Variants in RUSC1 observed in about 807,000 individuals in gnomAD.
The protein encoded by RUSC1 is RUN and SH3 domain containing 1.
A neutral mutation model predicts 72.1 loss-of-function variants in RUSC1; 40 were observed. The observed-to-expected ratio is 0.55, with a 90% CI of 0.43 to 0.72. RUSC1 has a LOEUF of 0.72. RUSC1 is among the 30% of genes least tolerant of loss of function. RUSC1 has a pLI of 0.00. For synonymous variants in RUSC1, 512 were observed against 494.2 expected, an observed-to-expected ratio of 1.04 and a Z score of -0.48; for missense variants, 1,092 against 1,172.3, an observed-to-expected ratio of 0.93 and a Z score of 1.00.
chr1:155,328,056 A>G (rs978512725), intron 8 of RUSC1, 94 bp from the exon 9 acceptor site: 4 of 1,495,228 alleles, frequency 2.7e-6, no homozygotes, highest in Middle Eastern at 2.1e-4. Context: ...TTGAACCACA[A>G]TTAGGCCCCT....
At position 155,325,408 on chromosome 1, in the gene RUSC1, G is replaced by A. The variant is rs772229874; in HGVS notation, c.1626G>A (p.Gly542=). 17 of 1,591,856 alleles carry A rather than the reference G, an allele frequency of 1.1e-5. No individual in the cohort carries two copies. Among genetic ancestry groups the A allele is most frequent in the African/African-American group, 4.0e-5 (3 of 74,618 alleles). Residue 542 remains glycine (G), a synonymous_variant, in exon 5 of 10, where the codon GGG becomes GGA. Coordinates refer to ENST00000368352, the MANE Select transcript of RUSC1 (RefSeq NM_001105203.2). This position sits in a 1 kb window ranked among gnomAD's most constrained non-coding sequence, Gnocchi z 6.5. ...CPALHALVAD[G]LKPFRKDLIT... is the part of the protein sequence containing the mutation. ...CCCTCCACGCCCTGGTGGCGGACGG[G>A]CTGAAGCCTTTCCGGAAGGACCTCA...
Position 155,327,121 on chromosome 1 carries a change from C to A in RUSC1, c.2403C>A (p.Ala801=). 3.7e-6 allele frequency: 6 copies of A among 1,602,990 alleles called. No homozygotes were observed. Among genetic ancestry groups the A allele is most frequent in the Non-Finnish European group, 5.1e-6 (6 of 1,172,936 alleles). ...PGGPAENENG[A]LKSRRPSSWL... ...GCCCCGCAGAAAATGAGAATGGAGC[C>A]CTAAAGTCCAGGTAATGGGGTACCT... The change falls in exon 8 of 10, where the codon GCC becomes GCA. Residue 801 remains alanine (A), a synonymous_variant. Coordinates refer to ENST00000368352, the MANE Select transcript of RUSC1 (RefSeq NM_001105203.2).
Position 155,325,955 on chromosome 1 carries a change from G to A in RUSC1, c.1861+45G>A. On this transcript the variant is annotated intron_variant, in intron 7 of 9. Coordinates refer to ENST00000368352, the MANE Select transcript of RUSC1 (RefSeq NM_001105203.2). The surrounding 1 kb of genome is among the most constrained non-coding windows in gnomAD (Gnocchi z 6.5). ...GAGGATGGGGCTGATGGGCTGGGAG[G>A]ATGGGAAGGAAAGAGTTCTCTCCTG... 2 of 1,595,890 alleles carry A rather than the reference G, an allele frequency of 1.3e-6. No individual in the cohort carries two copies. Among genetic ancestry groups the A allele is most frequent in the Admixed American group, 1.7e-5 (1 of 59,994 alleles).
chr1:155,324,469 C>A (rs1049555550), intron 2 of RUSC1: 10 of 1,611,334 alleles, frequency 6.2e-6, no homozygotes, highest in Middle Eastern at 1.6e-4. Context: ...GGCCCCGGGG[C>A]GGTGCGCTGG....
rs775474065 is a variant in RUSC1, at chr1:155,322,620, A to C, written c.847A>C (p.Ile283Leu). 2 of 1,614,276 alleles carry C rather than the reference A, an allele frequency of 1.2e-6. No individual in the cohort carries two copies. Among genetic ancestry groups the C allele is most frequent in the South Asian group, 2.2e-5 (2 of 91,086 alleles). The change falls in exon 2 of 10, where the codon ATA (isoleucine) becomes CTA (leucine). Residue 283 changes from isoleucine (I) to leucine (L), a missense_variant. Coordinates refer to ENST00000368352, the MANE Select transcript of RUSC1 (RefSeq NM_001105203.2). Reference protein sequence around the residue: ...FDSGWKTNTRITDSGSKTDAG... With the variant: ...FDSGWKTNTRLTDSGSKTDAG... ...CTCTGGTTGGAAAACCAACACAAGAATAACTGATTCTGGCTCGAAAACAGA... is the reference window on the plus strand; with the variant it reads ...CTCTGGTTGGAAAACCAACACAAGACTAACTGATTCTGGCTCGAAAACAGA...
At position 155,326,414 on chromosome 1, in the gene RUSC1, C is replaced by G. The variant is rs1557997728; in HGVS notation, c.1862-166C>G. 6 of 669,970 alleles carry G rather than the reference C, an allele frequency of 9.0e-6. No individual in the cohort carries two copies. The highest frequency in any genetic ancestry group is 4.1e-4 in the Middle Eastern group (1 of 2,418). 41.5% of individuals were successfully genotyped at this position (669,970 alleles called of 1,614,324 possible). On this transcript the variant is annotated intron_variant, in intron 7 of 9. Coordinates refer to ENST00000368352, the MANE Select transcript of RUSC1 (RefSeq NM_001105203.2). The surrounding 1 kb of genome is among the most constrained non-coding windows in gnomAD (Gnocchi z 4.7). ...CTTCCTATTTGGGCTAGGTTCCATG[C>G]AGGCGGGGATGTCAGTCCTATAGCC...
chr1:155,323,909 C>T, intron 2 of RUSC1: 1 of 988,234 alleles, frequency 1.0e-6, no homozygotes, highest in Non-Finnish European at 1.2e-6. Context: ...TCCGGGGTTG[C>T]CCAGCTTAGT....
In RUSC1 at chr1:155,331,026, GTGC is replaced by G. The variant is rs2148292195; in HGVS notation, c.*458_*460del. 1 of 157,482 alleles carries G rather than the reference GTGC, an allele frequency of 6.3e-6. No homozygotes were observed. The highest frequency in any genetic ancestry group is 6.0e-5 in the Admixed American group (1 of 16,670). The allele number at this position is 157,482 out of a possible 1,614,324, so 9.8% of individuals were successfully genotyped here. ...AATGTACTCACTCATGCTGTACTAG[GTGC>G]TGAAGCCTGGACACCCTTGGTGGGT... is the stretch of plus-strand genomic sequence containing the variant. On this transcript the variant is annotated 3_prime_UTR_variant, in exon 10 of 10. Transcript: ENST00000368352.
chr1:155,329,491 C>T (rs1330526916), intron 9 of RUSC1, among the ~76,000 whole-genome samples: 1 of 150,772 alleles, frequency 6.6e-6, no homozygotes, highest in Admixed American at 6.6e-5. Flanking sequence ...CTCCTGGGTT[C>T]AAGTGATTCT....
At chr1:155,327,425 T>C (rs1306333392) in intron 8 of RUSC1, among the ~76,000 whole-genome samples, 1 of 152,050 alleles carries the variant, frequency 6.6e-6, no homozygotes, top group African/African-American at 2.4e-5. Context: ...AATCCTACAG[T>C]TGATGTATAG....
chr1:155,321,988 G>C lies in RUSC1; in HGVS notation c.215G>C (p.Arg72Pro). The change falls in exon 2 of 10, where the codon CGG becomes CCG. Residue 72 changes from arginine (R) to proline (P), a missense_variant. Arg to Pro is a moderately radical substitution (Grantham distance 103, BLOSUM62 -2). Coordinates refer to ENST00000368352, the MANE Select transcript of RUSC1 (RefSeq NM_001105203.2). ...TCCAACAGCCCAGCTGTGCCCTGCCGGTGCTGCCAGGAGCACGGTCCGGGC... is the reference window on the plus strand; with the variant it reads ...TCCAACAGCCCAGCTGTGCCCTGCCCGTGCTGCCAGGAGCACGGTCCGGGC... ...ANSNSPAVPC[R>P]CCQEHGPGLE... 1.3e-6 allele frequency: 2 copies of C among 1,599,232 alleles called. No homozygotes were observed. The highest frequency in any genetic ancestry group is 4.5e-5 in the East Asian group (2 of 44,748).
In RUSC1 at chr1:155,325,635, C is replaced by T. The variant is rs1570904372; in HGVS notation, c.1777C>T (p.Arg593Cys). ...CCGTCTAGCCCCGCTGAGCAGCAGC[C>T]GTAGCCGCTTCCATGCCTTTATCCT... ...VSRLAPLSSS[R>C]SRFHAFILGL... Residue 593 changes from arginine (R) to cysteine (C), a missense_variant, in exon 6 of 10, where the codon CGT becomes TGT. Transcript: ENST00000368352. This position sits in a 1 kb window ranked among gnomAD's most constrained non-coding sequence, Gnocchi z 6.5. 2.5e-6 allele frequency: 4 copies of T among 1,613,616 alleles called. No individual in the cohort carries two copies. Among genetic ancestry groups the T allele is most frequent in the South Asian group, 1.1e-5 (1 of 91,086 alleles).
rs769273735 is a variant in RUSC1 at position 155,322,589 on chromosome 1, A to T, written c.816A>T (p.Lys272Asn). ...VNSSWKSEPE[K>N]FDSGWKTNTR... ...CTAGCTGGAAAAGTGAACCTGAAAA[A>T]TTCGACTCTGGTTGGAAAACCAACA... The change falls in exon 2 of 10, where the codon AAA (lysine) becomes AAT (asparagine). Residue 272 changes from lysine to asparagine, a missense_variant. By Grantham distance (94) the Lys-to-Asn change is moderately conservative. Coordinates refer to ENST00000368352, the MANE Select transcript of RUSC1 (RefSeq NM_001105203.2). The T allele has an allele frequency of 1.9e-6, 3 of 1,614,142 alleles. No individual in the cohort carries two copies. The highest frequency in any genetic ancestry group is 2.5e-6 in the Non-Finnish European group (3 of 1,180,050).
Position 155,320,987 on chromosome 1 carries a change from C to T in RUSC1, c.-91C>T, listed in dbSNP as rs1313707614. The T allele has an allele frequency of 6.5e-7, 1 of 1,526,874 alleles. No homozygotes were observed. The highest frequency in any genetic ancestry group is 1.9e-5 in the Admixed American group (1 of 53,624). The allele number at this position is 1,526,874 out of a possible 1,614,324, so 94.6% of individuals were successfully genotyped here. A position where few individuals can be genotyped will look rare whatever the true frequency, so the allele number is the denominator to read the frequency against. On this transcript the variant is annotated 5_prime_UTR_variant, in exon 1 of 10. Transcript: ENST00000368352. ...CAAGGCCGGAGCGGTTCCAGGAGGA[C>T]CCTGGTGAGGAGGGCTCGGCCCATG...
At chr1:155,330,065 G>A (rs954802324) in intron 9 of RUSC1, among the ~76,000 whole-genome samples, 2 of 152,060 alleles carry the variant, frequency 1.3e-5, no homozygotes, top group African/African-American at 4.8e-5. Context: ...TTTTACCAGG[G>A]GCAAGTGTGG....
At chr1:155,324,058 C>A in intron 2 of RUSC1, 1 of 1,118,100 alleles carries the variant, frequency 8.9e-7, no homozygotes, top group Non-Finnish European at 1.1e-6. Flanking sequence ...CCCACCTGGG[C>A]ATAGTGGACG....
rs1172556414 is a variant in RUSC1, at chr1:155,325,203, T to C, written c.1533+25T>C. Reference sequence around the variant, plus strand: ...GGTGAAGGTGGCTGGGGGGAGGCTGTTGGGATGAGGAGAGTAATGGAGCTC... The same window carrying C: ...GGTGAAGGTGGCTGGGGGGAGGCTGCTGGGATGAGGAGAGTAATGGAGCTC... On this transcript the variant is annotated intron_variant, in intron 4 of 9. Coordinates refer to ENST00000368352, the MANE Select transcript of RUSC1 (RefSeq NM_001105203.2). The surrounding 1 kb of genome is among the most constrained non-coding windows in gnomAD (Gnocchi z 6.5). 6.2e-7 allele frequency: 1 copy of C among 1,613,948 alleles called. No individual in the cohort carries two copies. The highest frequency in any genetic ancestry group is 8.5e-7 in the Non-Finnish European group (1 of 1,179,988).
Position 155,321,707 on chromosome 1 carries a change from AG to A in RUSC1, c.-65del, listed in dbSNP as rs1463467967. On this transcript the variant is annotated 5_prime_UTR_variant, in exon 2 of 10. Coordinates refer to ENST00000368352, the MANE Select transcript of RUSC1 (RefSeq NM_001105203.2). ...TTCTAGGTCTGCACCTGTGGTTGCC[AG>A]GTAGGTGGATGTGAGAGACCCTACC... The A allele has an allele frequency of 1.8e-5, 28 of 1,584,834 alleles. No homozygotes were observed. The highest frequency in any genetic ancestry group is 1.7e-4 in the Middle Eastern group (1 of 5,956).
Position 155,330,758 on chromosome 1 carries a change from T to TAA in RUSC1, c.*187_*188insAA, listed in dbSNP as rs1651937400. Reference sequence around the variant, plus strand: ...CCCACCTGTAAGGTGAAATCTGCTCTTCTTCCAAATATATAAAAAAGGAAT... The same window carrying TAA: ...CCCACCTGTAAGGTGAAATCTGCTCTAATCTTCCAAATATATAAAAAAGGAAT... On this transcript the variant is annotated 3_prime_UTR_variant, in exon 10 of 10. Coordinates refer to ENST00000368352, the MANE Select transcript of RUSC1 (RefSeq NM_001105203.2). The TAA allele has an allele frequency of 1.9e-6, 1 of 520,782 alleles. No individual in the cohort carries two copies. Among genetic ancestry groups the TAA allele is most frequent in the East Asian group, 3.4e-5 (1 of 29,276 alleles). 32.3% of individuals were successfully genotyped at this position (520,782 alleles called of 1,614,324 possible).
Sources: gnomAD v4.1 joint callset for allele counts (sites outside exome capture counted in the v4.1 genomes callset) on GRCh38, gnomAD v4.1.1 for gene constraint, Gnocchi (gnomAD v3.1) non-coding constraint, MANE v1.5 for transcripts, NCBI Gene and HGNC (gene_info 2026-07-23, HGNC 2026-07-21) for gene names.